PTPRN2: variants seen among roughly 807,000 people sequenced by gnomAD.
PTPRN2 encodes protein tyrosine phosphatase receptor type N2.
A neutral mutation model predicts 118.8 loss-of-function variants in PTPRN2; 74 were observed. That is an observed-to-expected ratio of 0.62 (90% CI 0.52 to 0.76). The LOEUF (loss-of-function observed/expected upper bound fraction) is 0.76, where lower values mean the gene tolerates loss of function less well. PTPRN2 is among the 30% of genes least tolerant of loss of function. The probability of loss-of-function intolerance (pLI) is 0.00; values close to 1 mark genes in which losing one functional copy is unlikely to be tolerated. For synonymous variants in PTPRN2, 641 were observed against 608.0 expected (o/e 1.05, Z -0.80); for missense variants, 1,481 against 1,394.4 (o/e 1.06, Z -0.99).
chr7:157,559,309 C>G (rs973492972), intron 21 of PTPRN2, among the ~76,000 whole-genome samples: 1 of 152,154 alleles, frequency 6.6e-6, no homozygotes, highest in Non-Finnish European at 1.5e-5. Context: ...GGATGTTGGG[C>G]CTGCGGGCTG....
chr7:157,885,122 T>G (rs894007307), intron 12 of PTPRN2, among the ~76,000 whole-genome samples: 1 of 152,128 alleles, frequency 6.6e-6, no homozygotes, highest in African/African-American at 2.4e-5. Flanking sequence ...AGTAGTAGCT[T>G]GAGGCCACTG....
At chr7:158,167,377 C>A (rs879696507) in intron 5 of PTPRN2, 86 bp from the exon 6 acceptor site, 17 of 1,501,944 alleles carry the variant, frequency 1.1e-5, no homozygotes, top group Non-Finnish European at 1.5e-5. Flanking sequence ...TCTCAGTTTT[C>A]AAGGTCCTAA....
intron 9 of PTPRN2, among the ~76,000 whole-genome samples, chr7:158,119,612 AGG>A (rs924306497): frequency 1.3e-5 from 2 of 149,660 alleles, no homozygotes; most frequent in Admixed American, 6.6e-5. Flanking sequence ...TATTTGAAAG[AGG>A]GAGAGAGAGA....
At chr7:158,238,054 C>T (rs925954619) in intron 3 of PTPRN2, among the ~76,000 whole-genome samples, 10 of 152,198 alleles carry the variant, frequency 6.6e-5, no homozygotes, top group Admixed American at 6.5e-4. Flanking sequence ...GGGGCACACA[C>T]ACAATCTCCA....
At chr7:158,125,349 C>A (rs943468895) in intron 9 of PTPRN2, among the ~76,000 whole-genome samples, 1 of 150,484 alleles carries the variant, frequency 6.6e-6, no homozygotes, top group Non-Finnish European at 1.5e-5. Context: ...CCCACAGCCG[C>A]CCCCTGCCTC....
At chr7:158,186,963 A>G (rs1163499282) in intron 5 of PTPRN2, among the ~76,000 whole-genome samples, 1 of 152,218 alleles carries the variant, frequency 6.6e-6, no homozygotes. Flanking sequence ...TAAGTAATGA[A>G]TTTCTGACTA....
intron 3 of PTPRN2, among the ~76,000 whole-genome samples, chr7:158,267,989 T>C (rs952605495): frequency 1.3e-5 from 2 of 152,218 alleles, no homozygotes; most frequent in African/African-American, 2.4e-5. Flanking sequence ...CACTGGGTTA[T>C]GTGCACAGAG....
intron 12 of PTPRN2, among the ~76,000 whole-genome samples, chr7:157,867,662 AG>A (rs1423417846): frequency 2.6e-5 from 4 of 152,252 alleles, no homozygotes; most frequent in Non-Finnish European, 4.4e-5. Context: ...AGAGGCAAAA[AG>A]AGTGAACTAG....
intron 2 of PTPRN2, among the ~76,000 whole-genome samples, chr7:158,337,382 A>G (rs1469524799): frequency 6.9e-5 from 5 of 72,628 alleles, no homozygotes; most frequent in African/African-American, 2.1e-4. Flanking sequence ...CACTCTCACC[A>G]TAAGAGGTAA....
chr7:157,968,931 G>C lies in PTPRN2; in HGVS notation c.1724-70194C>G, dbSNP rs932263789. Among the ~76,000 whole-genome samples the C allele has an allele frequency of 7.2e-5, 11 of 152,330 alleles. No individual in the cohort carries two copies. In the South Asian group the frequency reaches 2.3e-3, roughly 32 times the overall value. ...CCCATGGGCGATGGAAGTGACCTCT[G>C]TCGGCTCAGTGGAAGGTGCCGAAGA... On this transcript the variant is annotated intron_variant, in intron 11 of 22. Coordinates refer to ENST00000389418, the MANE Select transcript of PTPRN2 (RefSeq NM_002847.5).
intron 13 of PTPRN2, among the ~76,000 whole-genome samples, chr7:157,681,395 G>A (rs890119961): frequency 5.3e-5 from 8 of 152,088 alleles, no homozygotes; most frequent in South Asian, 4.1e-4. Context: ...TTCTTCAAAC[G>A]TGATTTTCCT....
intron 11 of PTPRN2, among the ~76,000 whole-genome samples, chr7:157,925,263 G>A (rs978723182): frequency 4.7e-5 from 7 of 148,400 alleles, no homozygotes; most frequent in Non-Finnish European, 7.5e-5. Flanking sequence ...CATTTAGCAC[G>A]TCAGGCAAAT....
intron 12 of PTPRN2, among the ~76,000 whole-genome samples, chr7:157,710,429 A>T (rs1224832974): frequency 6.6e-6 from 1 of 152,054 alleles, no homozygotes; most frequent in African/African-American, 2.4e-5. Context: ...CAACACAGTG[A>T]GACCCCATCT....
At position 157,656,231 on chromosome 7, in the gene PTPRN2, C is replaced by T. The variant is rs150982274; in HGVS notation, c.2196+126G>A. 952 of 945,256 alleles carry T rather than the reference C, an allele frequency of 1.0e-3. 6 individuals are homozygous for T. In the African/African-American group the frequency reaches 0.014, roughly 14 times the overall value. The allele number at this position is 945,256 out of a possible 1,614,324, so 58.6% of individuals were successfully genotyped here. A position where few individuals can be genotyped will look rare whatever the true frequency, so the allele number is the denominator to read the frequency against. ...GAGCCCTGCCTGTCAGCCTCTGCAG[C>T]GGGCAGGGTGCAGCCATCATCGCCC... On this transcript the variant is annotated intron_variant, in intron 14 of 22. Coordinates refer to ENST00000389418, the MANE Select transcript of PTPRN2 (RefSeq NM_002847.5).
intron 3 of PTPRN2, among the ~76,000 whole-genome samples, chr7:158,308,269 C>T (rs1409213945): frequency 1.3e-5 from 2 of 152,130 alleles, no homozygotes; most frequent in African/African-American, 4.8e-5. Flanking sequence ...TCCTTCAAAA[C>T]TAAAGGAGAA....
chr7:158,510,184 C>T (rs1476110571), intron 1 of PTPRN2, among the ~76,000 whole-genome samples: 1 of 152,270 alleles, frequency 6.6e-6, no homozygotes, highest in South Asian at 2.1e-4. Context: ...TAGCTGGGCC[C>T]GGTTCTATCA....
intron 11 of PTPRN2, among the ~76,000 whole-genome samples, chr7:158,019,786 G>A (rs965699211): frequency 2.6e-5 from 4 of 152,220 alleles, no homozygotes; most frequent in African/African-American, 7.2e-5. Flanking sequence ...GGGGAGCCGC[G>A]CAGCATGAAA....
At chr7:158,094,954 C>T (rs1359147902) in intron 10 of PTPRN2, among the ~76,000 whole-genome samples, 3 of 152,190 alleles carry the variant, frequency 2.0e-5, no homozygotes, top group African/African-American at 7.2e-5. Flanking sequence ...CCGAAGGCAA[C>T]TGCCAGCCTT....
chr7:157,613,657 G>A (rs1200642777), intron 15 of PTPRN2, among the ~76,000 whole-genome samples: 1 of 152,188 alleles, frequency 6.6e-6, no homozygotes, highest in Non-Finnish European at 1.5e-5. Flanking sequence ...CGCCGCCTCC[G>A]TCTCCCACAC....
Sources: gnomAD v4.1 joint callset for allele counts (sites outside exome capture counted in the v4.1 genomes callset) on GRCh38, gnomAD v4.1.1 for gene constraint, MANE v1.5 for transcripts, NCBI Gene and HGNC (gene_info 2026-07-23, HGNC 2026-07-21) for gene names.